Variants in METAP1D observed in about 807,000 individuals in gnomAD.
METAP1D encodes methionine aminopeptidase 1D, mitochondrial.
A neutral mutation model predicts 40.5 loss-of-function variants in METAP1D; 31 were observed. The observed-to-expected ratio is 0.77, with a 90% confidence interval of 0.58 to 1.03. METAP1D has a LOEUF of 1.03. METAP1D is among the 50% of genes least tolerant of loss of function. The pLI, the probability that METAP1D is intolerant of heterozygous loss-of-function variation, is 0.00. For missense variants in METAP1D, 411 were observed against 420.7 expected, an observed-to-expected ratio of 0.98 and a Z score of 0.20; for synonymous variants, 151 against 146.4, an observed-to-expected ratio of 1.03 and a Z score of -0.22.
At chr2:172,035,312 C>T (rs984365797) in intron 1 of METAP1D, among the ~76,000 whole-genome samples, 2 of 151,912 alleles carry the variant, frequency 1.3e-5, no homozygotes, top group Non-Finnish European at 2.9e-5. Context: ...CTGCAGGCGC[C>T]GGCCACCACG....
At chr2:172,038,316 A>T (rs1220429430) in intron 1 of METAP1D, among the ~76,000 whole-genome samples, 1 of 152,200 alleles carries the variant, frequency 6.6e-6, no homozygotes, top group South Asian at 2.1e-4. Flanking sequence ...ACTTAGCCAC[A>T]TTGTTTATGT....
rs765142916 is a variant in METAP1D, at chr2:172,066,296, T to C, written c.530T>C (p.Ile177Thr). Residue 177 changes from isoleucine to threonine, a missense_variant, in exon 5 of 10, where the codon ATT (isoleucine) becomes ACT (threonine). Ile to Thr is a moderately conservative substitution (Grantham distance 89). Coordinates refer to ENST00000315796, the MANE Select transcript of METAP1D (RefSeq NM_199227.3). The part of the protein sequence containing the change: ...RPLQDGDIIN[I>T]DVTVYYNGYH... ...CTTCAGGATGGAGATATTATCAACA[T>C]TGATGTCACAGTGAGTAAATCATAT... 1.2e-6 allele frequency: 2 copies of C among 1,611,592 alleles called. No homozygotes were observed. The highest frequency in any genetic ancestry group is 8.5e-7 in the Non-Finnish European group (1 of 1,179,202).
At chr2:172,009,481 AT>A (rs540973614) in intron 1 of METAP1D, among the ~76,000 whole-genome samples, 4 of 151,946 alleles carry the variant, frequency 2.6e-5, no homozygotes, top group South Asian at 2.1e-4. Flanking sequence ...ATATGGGTTA[AT>A]TTTTTTTATA....
chr2:172,024,758 G>GTGTGTGTA (rs1553491395), intron 1 of METAP1D, among the ~76,000 whole-genome samples: 9 of 135,318 alleles, frequency 6.7e-5, no homozygotes, highest in African/African-American at 1.4e-4. Context: ...TTGTGTGTGT[G>GTGTGTGTA]TGTGTGTGTG....
chr2:172,015,841 G>C (rs376975391), intron 1 of METAP1D, among the ~76,000 whole-genome samples: 4 of 151,900 alleles, frequency 2.6e-5, no homozygotes, highest in East Asian at 1.9e-4. Context: ...TGTGCATGTA[G>C]CTACTCGGGA....
chr2:172,046,833 C>A (rs1396243064), intron 1 of METAP1D, among the ~76,000 whole-genome samples: 4 of 152,156 alleles, frequency 2.6e-5, no homozygotes, highest in Non-Finnish European at 5.9e-5. Context: ...AATCAATGAT[C>A]TAATAACAAA....
intron 5 of METAP1D, 43 bp downstream of exon 5, chr2:172,066,349 A>ACTCCTG (rs1287421050): frequency 6.6e-7 from 1 of 1,504,768 alleles, no homozygotes; most frequent in Non-Finnish European, 9.2e-7. Context: ...CAACTTCAGA[A>ACTCCTG]TTGCTGGTAG....
chr2:172,064,583 G>A (rs778387012), intron 3 of METAP1D, among the ~76,000 whole-genome samples: 15 of 146,092 alleles, frequency 1.0e-4, no homozygotes, highest in Admixed American at 7.7e-4. Flanking sequence ...TCATGCTACT[G>A]TACTCCAGTC....
intron 2 of METAP1D, 37 bp downstream of exon 2, chr2:172,061,692 C>G (rs1234790770): frequency 6.5e-7 from 1 of 1,530,566 alleles, no homozygotes; most frequent in Non-Finnish European, 8.8e-7. Context: ...TTTTTCCAGC[C>G]AAGATAAAAG....
Position 172,055,776 on chromosome 2 carries a change from T to G in METAP1D, c.41-5722T>G, listed in dbSNP as rs75591892. ...TCGTTTCAAATACAAAAGTGTCTTA[T>G]GAAAGTGAAATTGCTGAATACAGTG... On this transcript the variant is annotated intron_variant, in intron 1 of 9. Coordinates refer to ENST00000315796, the MANE Select transcript of METAP1D (RefSeq NM_199227.3). 1.8e-3 allele frequency among the ~76,000 whole-genome samples: 277 copies of G among 152,374 alleles called. No individual in the cohort carries two copies. In the East Asian group the frequency reaches 0.02, roughly 11 times the overall value.
intron 1 of METAP1D, among the ~76,000 whole-genome samples, chr2:172,013,455 G>A (rs1688777279): frequency 6.6e-6 from 1 of 152,234 alleles, no homozygotes; most frequent in Non-Finnish European, 1.5e-5. Context: ...CAGGTCTCAG[G>A]AGTCTGAGGG....
intron 1 of METAP1D, among the ~76,000 whole-genome samples, chr2:172,036,685 A>T (rs1689398355): frequency 6.6e-6 from 1 of 151,884 alleles, no homozygotes; most frequent in African/African-American, 2.4e-5. Context: ...TTTTTCTATT[A>T]CAAACAGTCT....
intron 6 of METAP1D, among the ~76,000 whole-genome samples, chr2:172,076,966 T>C (rs1313889045): frequency 3.9e-5 from 6 of 152,250 alleles, no homozygotes; most frequent in Non-Finnish European, 7.3e-5. Context: ...TACTTTTCAA[T>C]CTTGTAGATG....
chr2:172,044,419 A>AAG (rs1204006239), intron 1 of METAP1D, among the ~76,000 whole-genome samples: 1 of 125,930 alleles, frequency 7.9e-6, no homozygotes, highest in Non-Finnish European at 1.8e-5. Context: ...AAAAAAAAAA[A>AAG]AAAAAAACCC....
chr2:172,056,763 G>A (rs879330798), intron 1 of METAP1D, among the ~76,000 whole-genome samples: 82 of 152,182 alleles, frequency 5.4e-4, no homozygotes, highest in Admixed American at 5.0e-3. Context: ...ACATCAGCTC[G>A]TGGTAGGGAG....
intron 1 of METAP1D, among the ~76,000 whole-genome samples, chr2:172,056,961 T>C (rs896330022): frequency 1.1e-4 from 17 of 150,580 alleles, no homozygotes; most frequent in Non-Finnish European, 2.5e-4. Flanking sequence ...ATTTACATTT[T>C]TCATGATAAA....
chr2:172,041,727 TATATATA>T (rs1157457318), intron 1 of METAP1D, among the ~76,000 whole-genome samples: 1 of 2,940 alleles, frequency 3.4e-4, no homozygotes, highest in Non-Finnish European at 7.3e-4. Context: ...CTAATTATTT[TATATATA>T]TATATATATA....
In METAP1D at chr2:172,082,023, T is replaced by C. The variant is rs531334148; in HGVS notation, c.*1617T>C. 6.6e-6 allele frequency: 1 copy of C among 152,202 alleles called. No homozygotes were observed. The highest frequency in any genetic ancestry group is 1.9e-4 in the East Asian group (1 of 5,182). The allele number at this position is 152,202 out of a possible 1,614,324, so 9.4% of individuals were successfully genotyped here. On this transcript the variant is annotated 3_prime_UTR_variant, in exon 10 of 10. Transcript: ENST00000315796. Reference sequence around the variant, plus strand: ...TAGAGGTGTTTCTGATTCTAGTGAGTCTGAGAACTGGAAAAGACCAAGGAG... The same window carrying C: ...TAGAGGTGTTTCTGATTCTAGTGAGCCTGAGAACTGGAAAAGACCAAGGAG...
At chr2:172,038,397 A>G (rs1689442658) in intron 1 of METAP1D, among the ~76,000 whole-genome samples, 1 of 151,698 alleles carries the variant, frequency 6.6e-6, no homozygotes, top group Admixed American at 6.6e-5. Flanking sequence ...CATAGCTTAG[A>G]TCATTGACTA....
Sources: gnomAD v4.1 joint callset for allele counts (sites outside exome capture counted in the v4.1 genomes callset) on GRCh38, gnomAD v4.1.1 for gene constraint, MANE v1.5 for transcripts, NCBI Gene and HGNC (gene_info 2026-07-23, HGNC 2026-07-21) for gene names.